Variants in PCNT observed in about 807,000 individuals in gnomAD.
The protein encoded by PCNT is kendrin.
In PCNT, 319 loss-of-function variants were observed where a neutral mutation model predicts 380.4. The ratio of observed to expected loss-of-function variants is 0.84; its 90% CI spans 0.77 to 0.92. The LOEUF (loss-of-function observed/expected upper bound fraction) is 0.92. Ranked by LOEUF, PCNT falls within the 40% of genes least tolerant of loss-of-function variation. The probability of loss-of-function intolerance (pLI) is 0.00; values close to 1 mark genes in which losing one functional copy is unlikely to be tolerated. For missense variants in PCNT, 4,400 were observed against 4,255.3 expected (o/e 1.03, Z -0.95); for synonymous variants, 1,845 against 1,735.2 (o/e 1.06, Z -1.57).
chr21:46,385,723 G>C, intron 16 of PCNT, 109 bp from the exon 17 acceptor site: 1 of 1,236,826 alleles, frequency 8.1e-7, no homozygotes, highest in South Asian at 1.2e-5. Context: ...AAGCTGAAAA[G>C]TCCTAAGTCA....
chr21:46,397,885 G>T (rs1026081482), intron 22 of PCNT, 129 bp from the exon 23 acceptor site: 7 of 705,894 alleles, frequency 9.9e-6, no homozygotes, highest in African/African-American at 8.8e-5. Flanking sequence ...CTGTGATGAG[G>T]GGGGTATTTG....
At chr21:46,389,799 T>G (rs183251243) in intron 19 of PCNT, among the ~76,000 whole-genome samples, 11 of 152,332 alleles carry the variant, frequency 7.2e-5, no homozygotes, top group Admixed American at 2.0e-4. Context: ...GATCTTTTTT[T>G]CAGCCAGGCA....
At chr21:46,330,821 G>C (rs1433134024) in intron 2 of PCNT, among the ~76,000 whole-genome samples, 1 of 152,202 alleles carries the variant, frequency 6.6e-6, no homozygotes, top group Non-Finnish European at 1.5e-5. Context: ...AATGTCCCAG[G>C]CCAGGGCACT....
Position 46,443,874 on chromosome 21 carries a change from AC to A in PCNT, c.9768del (p.Ser3257LeufsTer33). 1 of 1,612,994 alleles carries A rather than the reference AC, an allele frequency of 6.2e-7. No individual in the cohort carries two copies. The highest frequency in any genetic ancestry group is 2.2e-5 in the East Asian group (1 of 44,870). On this transcript the variant is annotated frameshift_variant, in exon 45 of 47. Coordinates refer to ENST00000359568, the MANE Select transcript of PCNT (RefSeq NM_006031.6). LOFTEE classifies it high-confidence loss of function. ...GAGAGTCCCCCCCAACCCGGGATGT[AC>A]CCTCTGGCCACACCAGGGACCCTGC... is the stretch of plus-strand genomic sequence containing the variant. ...TRESPPTRDV[P>X]SGHTRDPARG...
At chr21:46,369,022 C>G (rs1402207435) in intron 15 of PCNT, among the ~76,000 whole-genome samples, 2 of 152,204 alleles carry the variant, frequency 1.3e-5, no homozygotes, top group African/African-American at 4.8e-5. Context: ...AAAAGTGGAA[C>G]CTTCTTTAAT....
At chr21:46,325,704 G>A (rs1039804222) in intron 1 of PCNT, among the ~76,000 whole-genome samples, 1 of 152,174 alleles carries the variant, frequency 6.6e-6, no homozygotes, top group Admixed American at 6.5e-5. Context: ...ATGTGGGATC[G>A]ATCGCATACC....
chr21:46,327,940 C>T (rs777029335), intron 2 of PCNT, among the ~76,000 whole-genome samples: 8 of 152,120 alleles, frequency 5.3e-5, no homozygotes, highest in Admixed American at 1.3e-4. Context: ...GCTGGCCTTC[C>T]GGGCTCCTTG....
At chr21:46,381,011 A>G (rs934917961) in intron 15 of PCNT, among the ~76,000 whole-genome samples, 4 of 152,056 alleles carry the variant, frequency 2.6e-5, no homozygotes, top group Admixed American at 6.6e-5. Flanking sequence ...TCTCTACTAA[A>G]AGAAAAATTA....
At position 46,365,447 on chromosome 21, in the gene PCNT, G is replaced by GCCGTGGGGTTCTA. The variant is rs1569204582; in HGVS notation, c.2610-1137_2610-1136insCCGTGGGGTTCTA. On this transcript the variant is annotated intron_variant, in intron 14 of 46. Coordinates refer to ENST00000359568, the MANE Select transcript of PCNT (RefSeq NM_006031.6). The stretch of plus-strand genomic sequence containing the variant: ...GTTCTATTCACTGCCGTGGGGTTCT[G>GCCGTGGGGTTCTA]TTCACTGCCGTGGGGTTCTGTTCAC... Among the ~76,000 whole-genome samples the GCCGTGGGGTTCTA allele has an allele frequency of 9.1e-4, 60 of 66,136 alleles. 6 individuals carry two copies. The highest frequency in any genetic ancestry group is 3.1e-3 in the South Asian group (5 of 1,634). The allele number at this position is 66,136 out of a possible 152,430, so 43.4% of individuals were successfully genotyped here. A position where few individuals can be genotyped will look rare whatever the true frequency, so the allele number is the denominator to read the frequency against.
chr21:46,407,303 TG>T (rs2086647125), intron 27 of PCNT, among the ~76,000 whole-genome samples: 1 of 151,902 alleles, frequency 6.6e-6, no homozygotes, highest in Non-Finnish European at 1.5e-5. Flanking sequence ...TCATCAAAAT[TG>T]TCAAATTTCT....
Position 46,425,976 on chromosome 21 carries a change from AT to A in PCNT, c.7320+9del, listed in dbSNP as rs1161305791. 1 of 1,599,282 alleles carries A rather than the reference AT, an allele frequency of 6.3e-7. No homozygotes were observed. Among genetic ancestry groups the A allele is most frequent in the Middle Eastern group, 1.7e-4 (1 of 5,990 alleles). ...CTCCATGGGGGAAAGACGCAGGTTT[AT>A]TTTGCCCTTCACACACTTCTTTTCC... On this transcript the variant is annotated splice_donor_region_variant and intron_variant, in intron 33 of 46. Transcript: ENST00000359568. The surrounding 1 kb of genome is among the most constrained non-coding windows in gnomAD (Gnocchi z 4.2).
chr21:46,437,732 C>T (rs190457645), intron 40 of PCNT, among the ~76,000 whole-genome samples: 348 of 152,236 alleles, frequency 2.3e-3, no homozygotes, highest in Non-Finnish European at 4.1e-3. Flanking sequence ...CCTCTGGCCC[C>T]GCCAGCTGAA....
rs375548499 is a variant in PCNT at position 46,340,939 on chromosome 21, A to G, written c.640-5189A>G. On this transcript the variant is annotated intron_variant, in intron 3 of 46. Coordinates refer to ENST00000359568, the MANE Select transcript of PCNT (RefSeq NM_006031.6). ...CACTCTGTAGCCCAGGCTGGAGTGCAGTGGTGCCATCTCAGCTCACTGCAA... is the reference window on the plus strand; with the variant it reads ...CACTCTGTAGCCCAGGCTGGAGTGCGGTGGTGCCATCTCAGCTCACTGCAA... Among the ~76,000 whole-genome samples the G allele has an allele frequency of 7.9e-5, 12 of 152,078 alleles. 1 individual carries two copies. In the East Asian group the frequency reaches 9.6e-4, roughly 12 times the overall value.
chr21:46,392,563 T>C (rs2086069951), intron 21 of PCNT, among the ~76,000 whole-genome samples: 2 of 152,232 alleles, frequency 1.3e-5, no homozygotes, highest in African/African-American at 4.8e-5. Flanking sequence ...TTGGACGCTT[T>C]TGGACATGTT....
Position 46,349,089 on chromosome 21 carries a change from A to G in PCNT, c.1110A>G (p.Gln370=), listed in dbSNP as rs778674206. 1.2e-6 allele frequency: 2 copies of G among 1,609,248 alleles called. No homozygotes were observed. Among genetic ancestry groups the G allele is most frequent in the South Asian group, 2.2e-5 (2 of 90,976 alleles). Residue 370 remains glutamine, a synonymous_variant, in exon 7 of 47, where the codon CAA becomes CAG. Coordinates refer to ENST00000359568, the MANE Select transcript of PCNT (RefSeq NM_006031.6). Reference sequence around the variant, plus strand: ...GCAAAGAACTGTCTGCAAAGCATCAATCAGAAATGGAGGATTTACAAAACC... The same window carrying G: ...GCAAAGAACTGTCTGCAAAGCATCAGTCAGAAATGGAGGATTTACAAAACC... The part of the protein sequence containing the change: ...NLRKELSAKH[Q]SEMEDLQNQF...
rs528878080 is a variant in PCNT, at chr21:46,342,807, G to A, written c.640-3321G>A. 3.5e-4 allele frequency among the ~76,000 whole-genome samples: 54 copies of A among 152,334 alleles called. 1 individual carries two copies. Among genetic ancestry groups the A allele is most frequent in the Admixed American group, 2.9e-3 (45 of 15,298 alleles). The stretch of plus-strand genomic sequence containing the variant: ...GCCTCCCAAAGTGCTGGGATTGCAG[G>A]TGTGAGCCACCGTGCGCAGCCAGCG... On this transcript the variant is annotated intron_variant, in intron 3 of 46. Coordinates refer to ENST00000359568, the MANE Select transcript of PCNT (RefSeq NM_006031.6).
chr21:46,367,286 C>T (rs1436206192), intron 15 of PCNT, 147 bp downstream of exon 15: 5 of 632,802 alleles, frequency 7.9e-6, no homozygotes, highest in Non-Finnish European at 1.1e-5. Context: ...TCAGTGGGGA[C>T]TTCTGGTCTC....
chr21:46,332,434 T>A (rs1002536236), intron 2 of PCNT, among the ~76,000 whole-genome samples: 12 of 152,228 alleles, frequency 7.9e-5, no homozygotes, highest in African/African-American at 2.9e-4. Context: ...TTAAAACAAC[T>A]TTATAAGAAA....
At chr21:46,426,226 C>T (rs1427123514) in intron 33 of PCNT, among the ~76,000 whole-genome samples, 2 of 151,850 alleles carry the variant, frequency 1.3e-5, no homozygotes, top group East Asian at 1.9e-4. Context: ...TAGAGACGGG[C>T]TTTCACCATC....
Sources: gnomAD v4.1 joint callset for allele counts (sites outside exome capture counted in the v4.1 genomes callset) on GRCh38, gnomAD v4.1.1 for gene constraint, Gnocchi (gnomAD v3.1) non-coding constraint, MANE v1.5 for transcripts, NCBI Gene and HGNC (gene_info 2026-07-23, HGNC 2026-07-21) for gene names.